The following PDIA3 variants were observed in gnomAD, a reference collection of about 807,000 sequenced individuals.
PDIA3 encodes protein disulfide-isomerase A3.
Under a neutral mutation model 56.9 loss-of-function variants are expected in PDIA3, and 16 were observed. The ratio of observed to expected loss-of-function variants is 0.28; its 90% confidence interval spans 0.19 to 0.43. The LOEUF (loss-of-function observed/expected upper bound fraction) is 0.43, where lower values mean the gene tolerates loss of function less well. Ranked by LOEUF, PDIA3 falls within the 20% of genes least tolerant of loss-of-function variation. PDIA3 has a pLI of 1.00. For missense variants in PDIA3, 485 were observed against 621.3 expected, an observed-to-expected ratio of 0.78 and a Z score of 2.33; for synonymous variants, 192 against 216.5, an observed-to-expected ratio of 0.89 and a Z score of 0.99.
At chr15:43,765,403 G>T in intron 5 of PDIA3, 47 bp from the exon 6 acceptor site, 2 of 1,050,224 alleles carry the variant, frequency 1.9e-6, no homozygotes, top group Non-Finnish European at 2.9e-6. Context: ...ATGGGAGACA[G>T]TTCTTCTGCT....
At chr15:43,748,249 A>G (rs2086719771) in intron 1 of PDIA3, among the ~76,000 whole-genome samples, 1 of 152,142 alleles carries the variant, frequency 6.6e-6, no homozygotes, top group Admixed American at 6.5e-5. Context: ...AGGCCGAGGC[A>G]GGCGGATCAC....
chr15:43,761,693 AG>A (rs1205498157), intron 4 of PDIA3, among the ~76,000 whole-genome samples, 162 bp downstream of exon 4: 1 of 152,074 alleles, frequency 6.6e-6, no homozygotes, highest in African/African-American at 2.4e-5. Context: ...TGTACTATAT[AG>A]TACATTATAT....
chr15:43,772,593 T>C lies in PDIA3; in HGVS notation c.*1375T>C, dbSNP rs552144619. On this transcript the variant is annotated 3_prime_UTR_variant, in exon 13 of 13. Coordinates refer to ENST00000300289, the MANE Select transcript of PDIA3 (RefSeq NM_005313.5). ...GAAGATTTAAGGGAAACATATAAAC[T>C]TGTACAAAGGACACAGAAGCAGTCA... 3 of 152,232 alleles carry C rather than the reference T, an allele frequency of 2.0e-5. No individual in the cohort carries two copies. The highest frequency in any genetic ancestry group is 4.1e-4 in the South Asian group (2 of 4,830). 9.4% of individuals were successfully genotyped at this position (152,232 alleles called of 1,614,324 possible).
intron 3 of PDIA3, among the ~76,000 whole-genome samples, chr15:43,759,888 A>G (rs1270311424): frequency 2.6e-5 from 4 of 152,014 alleles, no homozygotes; most frequent in Non-Finnish European, 5.9e-5. Context: ...GTTCAAGACC[A>G]GCCTGACCAG....
Position 43,765,537 on chromosome 15 carries a change from C to A in PDIA3, c.690C>A (p.Gly230=), listed in dbSNP as rs200333214. The A allele has an allele frequency of 8.7e-6, 14 of 1,605,430 alleles. No homozygotes were observed. The African/African-American group carries it at 1.6e-4, about 18-fold the overall frequency. ...ATACAGAGCAAAAAATGACCAGTGG[C>A]AAAATTAAAAAGTTTATCCAGGAAA... ...VAYTEQKMTS[G]KIKKFIQENI... is the part of the protein sequence containing the mutation. Residue 230 remains glycine, a synonymous_variant, in exon 6 of 13, where the codon GGC becomes GGA. Coordinates refer to ENST00000300289, the MANE Select transcript of PDIA3 (RefSeq NM_005313.5).
intron 12 of PDIA3, 109 bp from the exon 13 acceptor site, chr15:43,770,996 T>C: frequency 2.9e-6 from 2 of 694,944 alleles, no homozygotes; most frequent in South Asian, 1.8e-5. Flanking sequence ...ATGGGCAGTA[T>C]ATGTGGCTGC....
rs141072175 is a variant in PDIA3, at chr15:43,758,109, A to G, written c.364+1343A>G. 2.9e-4 allele frequency among the ~76,000 whole-genome samples: 44 copies of G among 151,668 alleles called. No homozygotes were observed. In the East Asian group the frequency reaches 7.1e-3, roughly 24 times the overall value. On this transcript the variant is annotated intron_variant, in intron 3 of 12. Transcript: ENST00000300289. ...CAAAATTAGCCAGGAGTGGTGGTAC[A>G]TGCCTGTAATCCCAGCTACTCGGGA...
chr15:43,746,853 T>A, intron 1 of PDIA3, 147 bp downstream of exon 1: 1 of 899,790 alleles, frequency 1.1e-6, no homozygotes, highest in Non-Finnish European at 1.7e-6. Flanking sequence ...TCCCGGGAGC[T>A]GGAGGCGCCT....
In PDIA3 at chr15:43,746,493, C is replaced by T. The variant is rs1437433117; in HGVS notation, c.-47C>T. On this transcript the variant is annotated 5_prime_UTR_variant, in exon 1 of 13. Coordinates refer to ENST00000300289, the MANE Select transcript of PDIA3 (RefSeq NM_005313.5). ...GTCGCGCGCCCGACCTCCGCAGTCC[C>T]AGCCGAGCCGCGACCCTTCCGGCCG... 10 of 1,491,310 alleles carry T rather than the reference C, an allele frequency of 6.7e-6. No homozygotes were observed. Among genetic ancestry groups the T allele is most frequent in the African/African-American group, 1.4e-5 (1 of 70,856 alleles). The allele number at this position is 1,491,310 out of a possible 1,614,324, so 92.4% of individuals were successfully genotyped here. A position where few individuals can be genotyped will look rare whatever the true frequency, so the allele number is the denominator to read the frequency against.
chr15:43,758,606 C>T (rs951674448), intron 3 of PDIA3, among the ~76,000 whole-genome samples: 44 of 148,690 alleles, frequency 3.0e-4, no homozygotes, highest in South Asian at 2.1e-4. Flanking sequence ...TGTAGTGAGT[C>T]GAGATCGGGC....
intron 11 of PDIA3, 69 bp downstream of exon 11, chr15:43,770,398 A>G: frequency 7.1e-7 from 1 of 1,412,574 alleles, no homozygotes; most frequent in South Asian, 1.2e-5. Context: ...ACCACCAGGA[A>G]ATCATTACTA....
intron 7 of PDIA3, among the ~76,000 whole-genome samples, chr15:43,766,455 T>C (rs1567159033): frequency 6.6e-6 from 1 of 152,224 alleles, no homozygotes; most frequent in East Asian, 1.9e-4. Flanking sequence ...TCAGTTATTA[T>C]GCCTATAATA....
intron 4 of PDIA3, among the ~76,000 whole-genome samples, chr15:43,762,278 G>C (rs1002409717): frequency 3.0e-4 from 46 of 152,194 alleles, no homozygotes; most frequent in African/African-American, 1.1e-3. Flanking sequence ...TTGGGAGGCT[G>C]AAGCGGGCGG....
chr15:43,748,384 A>G (rs1176489880), intron 1 of PDIA3, among the ~76,000 whole-genome samples: 2 of 152,150 alleles, frequency 1.3e-5, no homozygotes, highest in Admixed American at 6.5e-5. Flanking sequence ...AAGCTGAGGC[A>G]GGAGAATAGC....
intron 1 of PDIA3, among the ~76,000 whole-genome samples, chr15:43,753,607 C>T (rs1334293928): frequency 6.6e-6 from 1 of 152,190 alleles, no homozygotes; most frequent in Non-Finnish European, 1.5e-5. Context: ...TGAGCCAGTA[C>T]TATGGAGTCA....
intron 4 of PDIA3, among the ~76,000 whole-genome samples, chr15:43,762,068 T>C (rs1394255100): frequency 6.6e-6 from 1 of 152,248 alleles, no homozygotes; most frequent in Non-Finnish European, 1.5e-5. Flanking sequence ...TATCTCGTTT[T>C]TAAATGACAT....
intron 10 of PDIA3, 48 bp downstream of exon 10, chr15:43,769,694 A>C: frequency 1.3e-6 from 2 of 1,597,550 alleles, no homozygotes; most frequent in Non-Finnish European, 1.7e-6. Context: ...GGGAGCAGTA[A>C]GTTTATGTAT....
chr15:43,748,987 T>A (rs1268110974), intron 1 of PDIA3, among the ~76,000 whole-genome samples: 1 of 152,058 alleles, frequency 6.6e-6, no homozygotes, highest in Non-Finnish European at 1.5e-5. Flanking sequence ...GCCAGGCTGG[T>A]CTCGAACTCC....
chr15:43,757,715 C>A (rs1292694323), intron 3 of PDIA3, among the ~76,000 whole-genome samples: 1 of 150,248 alleles, frequency 6.7e-6, no homozygotes, highest in African/African-American at 2.5e-5. Flanking sequence ...AAAAAATTAG[C>A]ACTGGGCGTG....
Sources: gnomAD v4.1 joint callset for allele counts (sites outside exome capture counted in the v4.1 genomes callset) on GRCh38, gnomAD v4.1.1 for gene constraint, MANE v1.5 for transcripts, NCBI Gene and HGNC (gene_info 2026-07-23, HGNC 2026-07-21) for gene names.